The following CDK17 variants were observed in gnomAD, a reference collection of about 807,000 sequenced individuals.
CDK17 encodes cyclin dependent kinase 17, also known as cyclin-dependent kinase 17.
A neutral mutation model predicts 77.6 loss-of-function variants in CDK17; 24 were observed. That is an observed-to-expected ratio of 0.31 (90% CI 0.22 to 0.44). CDK17 has a LOEUF of 0.44. Ranked by LOEUF, CDK17 falls within the 20% of genes least tolerant of loss-of-function variation. The probability of loss-of-function intolerance (pLI) is 1.00; values close to 1 mark genes in which losing one functional copy is unlikely to be tolerated. For synonymous variants in CDK17, 203 were observed against 210.4 expected (o/e 0.96, Z 0.30); for missense variants, 429 against 622.5 (o/e 0.69, Z 3.31).
chr12:96,290,494 T>C (rs757095253), intron 10 of CDK17, among the ~76,000 whole-genome samples: 1 of 152,224 alleles, frequency 6.6e-6, no homozygotes, highest in Non-Finnish European at 1.5e-5. Context: ...AGAAATTTAA[T>C]TAGGCAGGAC....
chr12:96,316,721 T>C lies in CDK17; in HGVS notation c.284-3267A>G, dbSNP rs372495225. ...CACTGACACCTCACACGGCAGGGTATTCCAACAGACCTGCAGCTGAGGGTC... is the reference window on the plus strand; with the variant it reads ...CACTGACACCTCACACGGCAGGGTACTCCAACAGACCTGCAGCTGAGGGTC... On this transcript the variant is annotated intron_variant, in intron 3 of 16. Transcript: ENST00000261211. 1.3e-3 allele frequency among the ~76,000 whole-genome samples: 165 copies of C among 124,674 alleles called. 20 individuals carry two copies. Among genetic ancestry groups the C allele is most frequent in the East Asian group, 5.4e-3 (14 of 2,588 alleles). 81.8% of individuals were successfully genotyped at this position (124,674 alleles called of 152,430 possible). A position where few individuals can be genotyped will look rare whatever the true frequency, so the allele number is the denominator to read the frequency against.
intron 1 of CDK17, among the ~76,000 whole-genome samples, chr12:96,358,858 C>G (rs1953449992): frequency 6.7e-6 from 1 of 149,000 alleles, no homozygotes; most frequent in African/African-American, 2.5e-5. Flanking sequence ...CCACCCCACC[C>G]CACCCCAAAA....
chr12:96,301,835 G>A (rs1281288516), intron 5 of CDK17, among the ~76,000 whole-genome samples: 1 of 152,002 alleles, frequency 6.6e-6, no homozygotes, highest in African/African-American at 2.4e-5. Flanking sequence ...CAGACAATAG[G>A]ATAAATTATC....
At chr12:96,366,914 CCTT>C (rs1225317820) in intron 1 of CDK17, among the ~76,000 whole-genome samples, 6 of 152,124 alleles carry the variant, frequency 3.9e-5, no homozygotes, top group Non-Finnish European at 7.3e-5. Context: ...ATTTTAACCT[CCTT>C]ATTTCCTTTT....
At chr12:96,349,472 CTAATG>C (rs1953278064) in intron 1 of CDK17, among the ~76,000 whole-genome samples, 1 of 147,056 alleles carries the variant, frequency 6.8e-6, no homozygotes, top group Non-Finnish European at 1.5e-5. Context: ...AGAAAATCAA[CTAATG>C]TAATACATCA....
At chr12:96,360,023 C>T (rs1229797530) in intron 1 of CDK17, among the ~76,000 whole-genome samples, 1 of 152,060 alleles carries the variant, frequency 6.6e-6, no homozygotes, top group African/African-American at 2.4e-5. Flanking sequence ...GTAACCTACA[C>T]TAAAAGGTAT....
intron 1 of CDK17, among the ~76,000 whole-genome samples, chr12:96,387,554 C>T (rs1200886537): frequency 6.6e-6 from 1 of 152,158 alleles, no homozygotes; most frequent in Non-Finnish European, 1.5e-5. Context: ...TAATACTAAG[C>T]ATCCAGGCAG....
Position 96,400,102 on chromosome 12 carries a change from G to A in CDK17, c.-146C>T, listed in dbSNP as rs867628216. Reference sequence around the variant, plus strand: ...GTCCGGGTCTCAGCGGCCGGCAGACGTGAGGCGCTTCCGAGCGCAGGCCTC... The same window carrying A: ...GTCCGGGTCTCAGCGGCCGGCAGACATGAGGCGCTTCCGAGCGCAGGCCTC... On this transcript the variant is annotated 5_prime_UTR_variant, in exon 1 of 17. In the 5' UTR this introduces an upstream ATG that the reference lacks. Coordinates refer to ENST00000261211, the MANE Select transcript of CDK17 (RefSeq NM_002595.5). 3 of 392,116 alleles carry A rather than the reference G, an allele frequency of 7.7e-6. No individual in the cohort carries two copies. Among genetic ancestry groups the A allele is most frequent in the African/African-American group, 4.1e-5 (2 of 48,290 alleles). The allele number at this position is 392,116 out of a possible 1,614,324, so 24.3% of individuals were successfully genotyped here. A position where few individuals can be genotyped will look rare whatever the true frequency, so the allele number is the denominator to read the frequency against.
intron 11 of CDK17, among the ~76,000 whole-genome samples, chr12:96,287,810 A>G (rs781064221): frequency 2.0e-5 from 3 of 152,236 alleles, no homozygotes; most frequent in Non-Finnish European, 4.4e-5. Context: ...TGTGGAATAT[A>G]TATTTAATGG....
intron 11 of CDK17, 41 bp from the exon 12 acceptor site, chr12:96,286,802 C>T (rs1186034320): frequency 2.7e-6 from 4 of 1,494,628 alleles, no homozygotes; most frequent in Admixed American, 3.4e-5. Flanking sequence ...AATTCATTTA[C>T]ATATTATGAA....
intron 1 of CDK17, among the ~76,000 whole-genome samples, chr12:96,386,372 GAC>G (rs1953975900): frequency 6.6e-6 from 1 of 152,158 alleles, no homozygotes; most frequent in Admixed American, 6.5e-5. Flanking sequence ...ATACTGGCCA[GAC>G]ACAGAGGCAC....
At chr12:96,399,387 G>C (rs947742357) in intron 1 of CDK17, 7 of 152,506 alleles carry the variant, frequency 4.6e-5, no homozygotes, top group Admixed American at 3.9e-4. Flanking sequence ...CCGCCAGCAG[G>C]AGGCTGCCCT....
At chr12:96,348,988 C>T (rs898715261) in intron 1 of CDK17, among the ~76,000 whole-genome samples, 2 of 151,934 alleles carry the variant, frequency 1.3e-5, no homozygotes, top group Non-Finnish European at 2.9e-5. Flanking sequence ...ACAAAGACAT[C>T]GTAAGAAAAG....
At chr12:96,284,061 G>A (rs1462749980) in intron 13 of CDK17, among the ~76,000 whole-genome samples, 3 of 152,172 alleles carry the variant, frequency 2.0e-5, no homozygotes, top group Non-Finnish European at 4.4e-5. Context: ...TATCACTGTT[G>A]TTCAAGACAA....
rs550253533 is a variant in CDK17 at position 96,384,901 on chromosome 12, G to T, written c.-30+15085C>A. On this transcript the variant is annotated intron_variant, in intron 1 of 16. Coordinates refer to ENST00000261211, the MANE Select transcript of CDK17 (RefSeq NM_002595.5). ...GGTACATGCCCATGGTCCCAGCTAC[G>T]TGGAAGGCTGAGGTGGGAAAATCAC... Among the ~76,000 whole-genome samples the T allele has an allele frequency of 3.3e-5, 5 of 151,114 alleles. No individual in the cohort carries two copies. In the East Asian group the frequency reaches 9.8e-4, roughly 30 times the overall value.
At chr12:96,293,502 G>A (rs368944219) in intron 10 of CDK17, among the ~76,000 whole-genome samples, 4 of 152,186 alleles carry the variant, frequency 2.6e-5, no homozygotes, top group East Asian at 1.9e-4. Flanking sequence ...ACAGATATGA[G>A]GTTGAAAGAG....
Position 96,370,482 on chromosome 12 carries a change from AT to A in CDK17, c.-30+29503del, listed in dbSNP as rs367713752. ...CAGAAACAGCCTGTAAGAATATGCA[AT>A]TCAGAGCAAGATCAAAAGTAGGATA... On this transcript the variant is annotated intron_variant, in intron 1 of 16. Transcript: ENST00000261211. 2.2e-4 allele frequency among the ~76,000 whole-genome samples: 33 copies of A among 152,344 alleles called. 1 individual carries two copies. The highest frequency in any genetic ancestry group is 7.9e-4 in the African/African-American group (33 of 41,588).
At chr12:96,346,033 T>C (rs1296142044) in intron 1 of CDK17, among the ~76,000 whole-genome samples, 3 of 152,198 alleles carry the variant, frequency 2.0e-5, no homozygotes, top group Non-Finnish European at 4.4e-5. Flanking sequence ...CTAAATGCTG[T>C]CTATAAGAGA....
rs930628058 is a variant in CDK17 at position 96,399,967 on chromosome 12, A to ACGCCAGC, written c.-30+12_-30+18dup. The ACGCCAGC allele has an allele frequency of 1.2e-4, 43 of 366,228 alleles. No individual in the cohort carries two copies. The highest frequency in any genetic ancestry group is 1.7e-4 in the Non-Finnish European group (34 of 206,040). The allele number at this position is 366,228 out of a possible 1,614,324, so 22.7% of individuals were successfully genotyped here. A position where few individuals can be genotyped will look rare whatever the true frequency, so the allele number is the denominator to read the frequency against. Reference sequence around the variant, plus strand: ...GACACCAGGGGAAAGCGCGGCGCGGACGCCAGCCGCCAACTCACCAGCAAG... The same window carrying ACGCCAGC: ...GACACCAGGGGAAAGCGCGGCGCGGACGCCAGCCGCCAGCCGCCAACTCACCAGCAAG... On this transcript the variant is annotated intron_variant, in intron 1 of 16. Transcript: ENST00000261211.
Sources: gnomAD v4.1 joint callset for allele counts (sites outside exome capture counted in the v4.1 genomes callset) on GRCh38, gnomAD v4.1.1 for gene constraint, MANE v1.5 for transcripts, NCBI Gene and HGNC (gene_info 2026-07-23, HGNC 2026-07-21) for gene names.